JAK2: variants seen among roughly 807,000 people sequenced by gnomAD.
JAK2 encodes the protein tyrosine-protein kinase JAK2.
A neutral mutation model predicts 139.3 loss-of-function variants in JAK2; 86 were observed. The ratio of observed to expected loss-of-function variants is 0.62; its 90% CI spans 0.52 to 0.74. The LOEUF (loss-of-function observed/expected upper bound fraction) is 0.74, where lower values mean the gene tolerates loss of function less well. Among genes scored for constraint, JAK2 ranks in the 30% least tolerant of loss-of-function variants. The probability of loss-of-function intolerance (pLI) is 0.00; values close to 1 mark genes in which losing one functional copy is unlikely to be tolerated. For missense variants in JAK2, 1,421 were observed against 1,360.3 expected, an observed-to-expected ratio of 1.04 and a Z score of -0.70; for synonymous variants, 490 against 437.7, an observed-to-expected ratio of 1.12 and a Z score of -1.49.
chr9:5,102,389 A>C (rs558387137), intron 22 of JAK2, among the ~76,000 whole-genome samples: 1 of 152,258 alleles, frequency 6.6e-6, no homozygotes, highest in Non-Finnish European at 1.5e-5. Flanking sequence ...ATACAGGACT[A>C]TGTGAAAAGA....
At chr9:5,039,072 A>G (rs1175688472) in intron 4 of JAK2, among the ~76,000 whole-genome samples, 1 of 152,292 alleles carries the variant, frequency 6.6e-6, no homozygotes, top group East Asian at 1.9e-4. Flanking sequence ...GAAAGACTGA[A>G]TGCCTTTTCC....
In JAK2 at chr9:5,050,683, T is replaced by C. The variant is rs1198592902; in HGVS notation, c.469-3T>C. On this transcript the variant is annotated splice_region_variant and splice_polypyrimidine_tract_variant and intron_variant, in intron 5 of 24. Transcript: ENST00000381652. ...GATATTTCCTTCAAATTTTTGGTTTTAGTGGCGGCATGATTTTGTGCACGG... is the reference window on the plus strand; with the variant it reads ...GATATTTCCTTCAAATTTTTGGTTTCAGTGGCGGCATGATTTTGTGCACGG... 8 of 1,610,442 alleles carry C rather than the reference T, an allele frequency of 5.0e-6. No homozygotes were observed. The South Asian group carries it at 5.5e-5, about 11-fold the overall frequency.
rs1824125523 is a variant in JAK2, at chr9:5,128,131, A to C, written c.*1340A>C. ...GTGTGTGTGTGTGTGTTATTTATAC[A>C]AAACTTAAAATACTTGCTGTTTTGA... On this transcript the variant is annotated 3_prime_UTR_variant, in exon 25 of 25. Coordinates refer to ENST00000381652, the MANE Select transcript of JAK2 (RefSeq NM_004972.4). The C allele has an allele frequency of 4.3e-6, 1 of 230,600 alleles. No individual in the cohort carries two copies. Among genetic ancestry groups the C allele is most frequent in the Non-Finnish European group, 8.5e-6 (1 of 117,242 alleles). The allele number at this position is 230,600 out of a possible 1,614,324, so 14.3% of individuals were successfully genotyped here.
chr9:5,044,717 T>C (rs909517750), intron 5 of JAK2, among the ~76,000 whole-genome samples, 197 bp downstream of exon 5: 6 of 145,216 alleles, frequency 4.1e-5, no homozygotes, highest in Non-Finnish European at 8.8e-5. Context: ...AGAATCTATT[T>C]TATAAAGTTT....
chr9:5,121,819 G>GA (rs1829192082), intron 22 of JAK2, among the ~76,000 whole-genome samples: 2 of 152,156 alleles, frequency 1.3e-5, no homozygotes, highest in South Asian at 2.1e-4. Context: ...AGAACAGACA[G>GA]AAAAAAACAG....
At chr9:5,045,458 T>G (rs1816937879) in intron 5 of JAK2, among the ~76,000 whole-genome samples, 1 of 152,184 alleles carries the variant, frequency 6.6e-6, no homozygotes, top group African/African-American at 2.4e-5. Context: ...AAGTGTACAG[T>G]TCAGTTGTAT....
chr9:5,112,491 C>T (rs987979867), intron 22 of JAK2: 6 of 552,952 alleles, frequency 1.1e-5, no homozygotes, highest in Admixed American at 5.6e-5. Flanking sequence ...CAGACAAGGA[C>T]GAGGAGGAAG....
intron 22 of JAK2, among the ~76,000 whole-genome samples, chr9:5,119,644 G>A (rs1274279394): frequency 6.6e-6 from 1 of 152,104 alleles, no homozygotes; most frequent in African/African-American, 2.4e-5. Context: ...TATGAAGTAA[G>A]GTATATGGTA....
chr9:5,002,444 T>A (rs947279800), intron 2 of JAK2, among the ~76,000 whole-genome samples: 1 of 151,992 alleles, frequency 6.6e-6, no homozygotes, highest in Non-Finnish European at 1.5e-5. Context: ...ATTTTCTAGA[T>A]AGTTTTTTGA....
chr9:4,996,896 G>A, intron 2 of JAK2, among the ~76,000 whole-genome samples: 1 of 148,566 alleles, frequency 6.7e-6, no homozygotes, highest in Non-Finnish European at 1.5e-5. Flanking sequence ...CATGGTGGGA[G>A]TTCTCTCCTT....
intron 2 of JAK2, among the ~76,000 whole-genome samples, chr9:5,010,245 C>T: frequency 6.6e-6 from 1 of 152,088 alleles, no homozygotes; most frequent in South Asian, 2.1e-4. Context: ...CTTTTAGCTA[C>T]TGTTGTTACC....
intron 4 of JAK2, chr9:5,041,121 C>G: frequency 4.6e-6 from 4 of 876,228 alleles, no homozygotes; most frequent in Non-Finnish European, 7.4e-6. Context: ...ACGCCCAAGA[C>G]GGTGCTCCTG....
chr9:5,073,615 C>G, intron 13 of JAK2, 83 bp from the exon 14 acceptor site: 1 of 1,033,018 alleles, frequency 9.7e-7, no homozygotes, highest in Non-Finnish European at 1.5e-6. Flanking sequence ...GAAAGTGCAT[C>G]TTTATTATGG....
At chr9:4,985,916 G>C (rs1366134784) in intron 1 of JAK2, 24 bp from the exon 2 acceptor site, 1 of 152,824 alleles carries the variant, frequency 6.5e-6, no homozygotes, top group Non-Finnish European at 1.5e-5. Flanking sequence ...TGTGGTAGTA[G>C]TTAACTGCTG....
rs1656504026 is a variant in JAK2, at chr9:5,128,086, G to GTGTGTT, written c.*1300_*1301insTTGTGT. 1.7e-5 allele frequency: 1 copy of GTGTGTT among 58,170 alleles called. No individual in the cohort carries two copies. Among genetic ancestry groups the GTGTGTT allele is most frequent in the African/African-American group, 4.3e-5 (1 of 23,096 alleles). 3.6% of individuals were successfully genotyped at this position (58,170 alleles called of 1,614,324 possible). A position where few individuals can be genotyped will look rare whatever the true frequency, so the allele number is the denominator to read the frequency against. ...AAATAAAATATGGTGGGTTTTGTGT[G>GTGTGTT]TGTGTGTGTGTGTGTGTGTGTGTGT... On this transcript the variant is annotated 3_prime_UTR_variant, in exon 25 of 25. Coordinates refer to ENST00000381652, the MANE Select transcript of JAK2 (RefSeq NM_004972.4).
chr9:5,092,957 T>C lies in JAK2; in HGVS notation c.3059+2046T>C, dbSNP rs115705721. Among the ~76,000 whole-genome samples the C allele has an allele frequency of 6.3e-3, 954 of 152,292 alleles. 16 individuals are homozygous for C. The highest frequency in any genetic ancestry group is 0.022 in the African/African-American group (914 of 41,558). ...CAGAGAGTACAAAATAACATCGCCA[T>C]AGTTGGCCCAAAAGCAGCCAACAAT... On this transcript the variant is annotated intron_variant, in intron 22 of 24. Coordinates refer to ENST00000381652, the MANE Select transcript of JAK2 (RefSeq NM_004972.4).
chr9:5,082,666 G>C (rs1221287114), intron 19 of JAK2, among the ~76,000 whole-genome samples: 2 of 152,220 alleles, frequency 1.3e-5, no homozygotes, highest in Non-Finnish European at 2.9e-5. Flanking sequence ...GAGAAACCTT[G>C]GACATTACCC....
At chr9:5,060,846 G>T (rs1818118869) in intron 8 of JAK2, among the ~76,000 whole-genome samples, 1 of 152,164 alleles carries the variant, frequency 6.6e-6, no homozygotes, top group Non-Finnish European at 1.5e-5. Flanking sequence ...CACTATCTAT[G>T]GCAGCTTAGC....
chr9:5,007,975 C>T (rs759631354), intron 2 of JAK2, among the ~76,000 whole-genome samples: 25 of 152,012 alleles, frequency 1.6e-4, no homozygotes, highest in Non-Finnish European at 2.9e-4. Context: ...ATGATCCCCC[C>T]GCCTCGGCCT....
Sources: gnomAD v4.1 joint callset for allele counts (sites outside exome capture counted in the v4.1 genomes callset) on GRCh38, gnomAD v4.1.1 for gene constraint, MANE v1.5 for transcripts, NCBI Gene and HGNC (gene_info 2026-07-23, HGNC 2026-07-21) for gene names.